CDH13: variants seen among roughly 807,000 people sequenced by gnomAD.
CDH13 encodes cadherin-13.
CDH13 carries 24 observed loss-of-function variants against 63.8 expected under a neutral mutation model. The ratio of observed to expected loss-of-function variants is 0.38; its 90% confidence interval spans 0.27 to 0.53. The LOEUF (loss-of-function observed/expected upper bound fraction) is 0.53. Ranked by LOEUF, CDH13 falls within the 20% of genes least tolerant of loss-of-function variation. The probability of loss-of-function intolerance (pLI) is 0.85; values close to 1 mark genes in which losing one functional copy is unlikely to be tolerated. For missense variants in CDH13, 1,049 were observed against 903.1 expected, an observed-to-expected ratio of 1.16 and a Z score of -2.07; for synonymous variants, 503 against 355.3, an observed-to-expected ratio of 1.42 and a Z score of -4.67.
intron 7 of CDH13, among the ~76,000 whole-genome samples, chr16:83,589,825 C>G (rs1455934040): frequency 1.3e-5 from 2 of 152,034 alleles, no homozygotes; most frequent in Non-Finnish European, 1.5e-5. Flanking sequence ...AGGAGTGACT[C>G]TGGGAAGACA....
intron 10 of CDH13, among the ~76,000 whole-genome samples, chr16:83,686,810 C>T (rs1904347298): frequency 6.6e-6 from 1 of 152,094 alleles, no homozygotes; most frequent in Non-Finnish European, 1.5e-5. Context: ...ACAGCCCAAT[C>T]CCAGCATAAG....
chr16:83,485,343 A>G (rs1711600457), intron 6 of CDH13, among the ~76,000 whole-genome samples: 1 of 152,210 alleles, frequency 6.6e-6, no homozygotes, highest in Non-Finnish European at 1.5e-5. Flanking sequence ...GTTTCCCTTT[A>G]TATCAGCTGC....
At chr16:82,845,738 T>C (rs954329326) in intron 1 of CDH13, among the ~76,000 whole-genome samples, 7 of 152,186 alleles carry the variant, frequency 4.6e-5, no homozygotes, top group Non-Finnish European at 7.3e-5. Flanking sequence ...ACAGGTATTA[T>C]ATGGCATTCG....
intron 5 of CDH13, 25 bp downstream of exon 5, chr16:83,217,522 C>G (rs2039572840): frequency 1.9e-6 from 3 of 1,603,468 alleles, no homozygotes; most frequent in African/African-American, 1.3e-5. Flanking sequence ...CCCATGCCCA[C>G]CCTGTGCGCA....
rs2034053457 is a variant in CDH13, at chr16:82,744,072, G to A, written c.46-114290G>A. ...GCTATTTCTTAATGGAGAGATTAAA[G>A]AAATCTTCGCCTCCAAGAAGTCTGG... On this transcript the variant is annotated intron_variant, in intron 1 of 13. Coordinates refer to ENST00000567109, the MANE Select transcript of CDH13 (RefSeq NM_001257.5). 2.6e-5 allele frequency among the ~76,000 whole-genome samples: 4 copies of A among 152,258 alleles called. No individual in the cohort carries two copies. The South Asian group carries it at 8.3e-4, about 32-fold the overall frequency.
At chr16:83,423,240 A>G (rs1226669175) in intron 6 of CDH13, among the ~76,000 whole-genome samples, 3 of 152,326 alleles carry the variant, frequency 2.0e-5, no homozygotes, top group African/African-American at 4.8e-5. Flanking sequence ...AAAGTATTTC[A>G]GGCATTTTCA....
chr16:82,920,760 T>C (rs2042129964), intron 2 of CDH13, among the ~76,000 whole-genome samples: 5 of 152,190 alleles, frequency 3.3e-5, no homozygotes, highest in Admixed American at 3.3e-4. Context: ...CTTTACAAAA[T>C]CAGACAGAAG....
intron 1 of CDH13, among the ~76,000 whole-genome samples, chr16:82,779,324 T>G (rs1056757231): frequency 1.3e-5 from 2 of 152,126 alleles, no homozygotes; most frequent in Non-Finnish European, 2.9e-5. Context: ...TCTCTACCAG[T>G]GCACTTTGCC....
chr16:83,523,412 A>AT (rs1177052122), intron 7 of CDH13, among the ~76,000 whole-genome samples: 1 of 152,056 alleles, frequency 6.6e-6, no homozygotes, highest in African/African-American at 2.4e-5. Context: ...GCTTTTTTAG[A>AT]TTTTTTAAGC....
chr16:82,885,326 G>A (rs1288950844), intron 2 of CDH13, among the ~76,000 whole-genome samples: 1 of 152,146 alleles, frequency 6.6e-6, no homozygotes, highest in African/African-American at 2.4e-5. Flanking sequence ...AAGATCTGCT[G>A]AAAAATAATC....
chr16:83,339,157 G>T (rs138713760), intron 5 of CDH13, among the ~76,000 whole-genome samples: 23 of 152,274 alleles, frequency 1.5e-4, no homozygotes, highest in Non-Finnish European at 2.1e-4. Flanking sequence ...AACAATGGAT[G>T]TGGGCAGGAT....
rs71148805 is a variant in CDH13 at position 83,052,776 on chromosome 16, C to CAAAAAAAAAAAAA, written c.366+20574_366+20586dup. ...TGGGTGACAGGGCGAGACTTTATCT[C>CAAAAAAAAAAAAA]AAAAAAAAAAAAAAAAAAAAAAAAA... On this transcript the variant is annotated intron_variant, in intron 3 of 13. Coordinates refer to ENST00000567109, the MANE Select transcript of CDH13 (RefSeq NM_001257.5). Among the ~76,000 whole-genome samples the CAAAAAAAAAAAAA allele has an allele frequency of 5.4e-5, 5 of 92,878 alleles. 1 individual carries two copies. Among genetic ancestry groups the CAAAAAAAAAAAAA allele is most frequent in the African/African-American group, 1.4e-4 (3 of 21,044 alleles). 60.9% of individuals were successfully genotyped at this position (92,878 alleles called of 152,430 possible). A position where few individuals can be genotyped will look rare whatever the true frequency, so the allele number is the denominator to read the frequency against.
chr16:83,159,196 C>CA (rs201076640), intron 4 of CDH13, among the ~76,000 whole-genome samples: 4 of 149,872 alleles, frequency 2.7e-5, no homozygotes, highest in South Asian at 4.2e-4. Context: ...CTGGGGGAAA[C>CA]AAAAAAAAAG....
At chr16:83,270,318 A>C (rs2088763447) in intron 5 of CDH13, among the ~76,000 whole-genome samples, 1 of 152,116 alleles carries the variant, frequency 6.6e-6, no homozygotes, top group Non-Finnish European at 1.5e-5. Context: ...CTATATGGAG[A>C]AGTCGACAGA....
At chr16:83,517,494 C>T (rs1259290607) in intron 7 of CDH13, among the ~76,000 whole-genome samples, 2 of 152,154 alleles carry the variant, frequency 1.3e-5, no homozygotes, top group African/African-American at 4.8e-5. Context: ...CTCCTTTGTG[C>T]CTGTGGCAGA....
At position 83,127,333 on chromosome 16, in the gene CDH13, A is replaced by T. The variant is rs149448706; in HGVS notation, c.483+1832A>T. 4.7e-4 allele frequency among the ~76,000 whole-genome samples: 72 copies of T among 152,332 alleles called. No homozygotes were observed. The East Asian group carries it at 0.013, about 27-fold the overall frequency. On this transcript the variant is annotated intron_variant, in intron 4 of 13. Coordinates refer to ENST00000567109, the MANE Select transcript of CDH13 (RefSeq NM_001257.5). Reference sequence around the variant, plus strand: ...AAAGATCATCCTGGCTGCCTTGTAGAGAATGATTAGTGGTAGCAGAGCAGT... The same window carrying T: ...AAAGATCATCCTGGCTGCCTTGTAGTGAATGATTAGTGGTAGCAGAGCAGT...
chr16:82,885,783 C>T (rs573701372), intron 2 of CDH13, among the ~76,000 whole-genome samples: 77 of 152,164 alleles, frequency 5.1e-4, no homozygotes, highest in African/African-American at 1.6e-3. Context: ...ACCTTGGGCA[C>T]GTTTTTATGC....
At chr16:82,861,872 C>T (rs1442861163) in intron 2 of CDH13, among the ~76,000 whole-genome samples, 1 of 152,186 alleles carries the variant, frequency 6.6e-6, no homozygotes, top group Non-Finnish European at 1.5e-5. Context: ...CTGCATCTTT[C>T]AGAGAGTGAT....
At chr16:82,638,464 T>G (rs1908959446) in intron 1 of CDH13, among the ~76,000 whole-genome samples, 1 of 152,246 alleles carries the variant, frequency 6.6e-6, no homozygotes, top group Admixed American at 6.5e-5. Flanking sequence ...GCAGGATTTT[T>G]GTGAGAATTA....
Sources: allele counts gnomAD v4.1 joint callset (sites outside exome capture counted in the v4.1 genomes callset), GRCh38; gene constraint gnomAD v4.1.1; transcripts MANE v1.5; gene names NCBI Gene and HGNC (gene_info 2026-07-23, HGNC 2026-07-21).